Variants in ENPP6 observed in about 807,000 individuals in gnomAD.
The protein encoded by ENPP6 is glycerophosphocholine cholinephosphodiesterase ENPP6.
In ENPP6, 32 loss-of-function variants were observed where a neutral mutation model predicts 42.0. That is an observed-to-expected ratio of 0.76 (90% CI 0.58 to 1.02). ENPP6 has a LOEUF of 1.02. Among genes scored for constraint, ENPP6 ranks in the 50% least tolerant of loss-of-function variants. ENPP6 has a pLI of 0.00. For synonymous variants in ENPP6, 213 were observed against 216.0 expected, an observed-to-expected ratio of 0.99 and a Z score of 0.12; for missense variants, 552 against 566.8, an observed-to-expected ratio of 0.97 and a Z score of 0.27.
chr4:184,194,204 T>A (rs1732758639), intron 1 of ENPP6, among the ~76,000 whole-genome samples: 1 of 152,198 alleles, frequency 6.6e-6, no homozygotes, highest in South Asian at 2.1e-4. Flanking sequence ...ACCACCTGAA[T>A]GTCCCGCAAG....
chr4:184,182,844 C>A (rs779463387), intron 1 of ENPP6, among the ~76,000 whole-genome samples: 36 of 152,132 alleles, frequency 2.4e-4, no homozygotes, highest in Non-Finnish European at 4.7e-4. Flanking sequence ...ACAACACACA[C>A]TGGGGCCTGT....
intron 1 of ENPP6, chr4:184,203,984 T>C (rs1324689711): frequency 6.6e-6 from 1 of 152,270 alleles, no homozygotes; most frequent in East Asian, 1.9e-4. Context: ...CTTACAGTTC[T>C]GGAGGCTGGG....
rs1185962723 is a variant in ENPP6, at chr4:184,088,853, T to C, written c.*2324A>G. The C allele has an allele frequency of 6.6e-6, 1 of 152,224 alleles. No individual in the cohort carries two copies. The highest frequency in any genetic ancestry group is 1.5e-5 in the Non-Finnish European group (1 of 68,042). 9.4% of individuals were successfully genotyped at this position (152,224 alleles called of 1,614,324 possible). The stretch of plus-strand genomic sequence containing the variant: ...CACTTTGTCAGACAAATATCTAAAG[T>C]TTTATTATGTAACTTGCAGATTTTC... On this transcript the variant is annotated 3_prime_UTR_variant, in exon 8 of 8. Transcript: ENST00000296741.
At chr4:184,180,990 G>T (rs1302836858) in intron 1 of ENPP6, among the ~76,000 whole-genome samples, 3 of 152,160 alleles carry the variant, frequency 2.0e-5, no homozygotes, top group Non-Finnish European at 1.5e-5. Context: ...AGTCAACATA[G>T]TATTGGAAGT....
chr4:184,120,371 C>T (rs1460448116), intron 3 of ENPP6, among the ~76,000 whole-genome samples: 1 of 152,216 alleles, frequency 6.6e-6, no homozygotes, highest in Non-Finnish European at 1.5e-5. Flanking sequence ...TAGCCTGGAG[C>T]TTGACAAAGG....
intron 7 of ENPP6, among the ~76,000 whole-genome samples, chr4:184,092,134 G>A (rs916252873): frequency 6.6e-6 from 1 of 152,050 alleles, no homozygotes; most frequent in African/African-American, 2.4e-5. Context: ...CAGAGTGCCA[G>A]CGTCTACTGC....
intron 6 of ENPP6, among the ~76,000 whole-genome samples, chr4:184,107,775 C>T (rs1481354110): frequency 6.6e-6 from 1 of 151,922 alleles, no homozygotes; most frequent in South Asian, 2.1e-4. Flanking sequence ...ATTAGCCGGG[C>T]GTGGTGGCGG....
chr4:184,138,530 A>G (rs10024636), intron 2 of ENPP6, among the ~76,000 whole-genome samples: 105,821 of 152,162 alleles, frequency 0.7, 37,243 homozygotes, highest in African/African-American at 0.78. Context: ...TTTATATACC[A>G]TGTCAATGCA....
intron 7 of ENPP6, among the ~76,000 whole-genome samples, chr4:184,092,508 G>T (rs11735997): frequency 1.3e-4 from 20 of 152,130 alleles, no homozygotes; most frequent in African/African-American, 4.8e-4. Context: ...AGTGAGGGAC[G>T]CCGAGGGTGA....
intron 5 of ENPP6, among the ~76,000 whole-genome samples, chr4:184,116,139 C>G (rs1368708790): frequency 1.3e-5 from 2 of 152,106 alleles, no homozygotes; most frequent in Admixed American, 6.5e-5. Context: ...AGGAGAATGG[C>G]ATGAACCCGG....
chr4:184,095,647 A>G (rs1735886305), intron 7 of ENPP6, among the ~76,000 whole-genome samples: 1 of 138,082 alleles, frequency 7.2e-6, no homozygotes, highest in Non-Finnish European at 1.5e-5. Flanking sequence ...GTGACAAGAA[A>G]CTGTCTCAAA....
intron 1 of ENPP6, among the ~76,000 whole-genome samples, chr4:184,162,079 T>A (rs188836537): frequency 1.3e-5 from 2 of 151,972 alleles, no homozygotes; most frequent in South Asian, 2.1e-4. Flanking sequence ...CAGCAACAAC[T>A]GCCCCCCTCC....
At chr4:184,205,388 C>T (rs1053510387) in intron 1 of ENPP6, among the ~76,000 whole-genome samples, 7 of 152,332 alleles carry the variant, frequency 4.6e-5, no homozygotes, top group South Asian at 2.1e-4. Flanking sequence ...AAGAATGCAG[C>T]GATGCCCAGC....
At chr4:184,107,295 G>T (rs1249579509) in intron 6 of ENPP6, among the ~76,000 whole-genome samples, 1 of 152,244 alleles carries the variant, frequency 6.6e-6, no homozygotes, top group Non-Finnish European at 1.5e-5. Context: ...GGGGTGACGG[G>T]CTCAGGCTGG....
chr4:184,170,957 G>T (rs567806878), intron 1 of ENPP6, among the ~76,000 whole-genome samples: 166 of 152,264 alleles, frequency 1.1e-3, no homozygotes, highest in African/African-American at 3.8e-3. Flanking sequence ...AAACAGGCAG[G>T]TTCTTTTAGG....
chr4:184,133,463 T>C (rs1736678169), intron 2 of ENPP6, among the ~76,000 whole-genome samples: 2 of 152,208 alleles, frequency 1.3e-5, no homozygotes, highest in African/African-American at 4.8e-5. Flanking sequence ...TTTTAAATTT[T>C]GAATTTATAT....
intron 1 of ENPP6, among the ~76,000 whole-genome samples, chr4:184,179,446 T>C (rs1732513979): frequency 6.6e-6 from 1 of 152,100 alleles, no homozygotes; most frequent in South Asian, 2.1e-4. Flanking sequence ...AACACCCCAC[T>C]GTCAATATTG....
At chr4:184,117,645 G>T in intron 4 of ENPP6, 114 bp downstream of exon 4, 1 of 1,477,932 alleles carries the variant, frequency 6.8e-7, no homozygotes, top group Non-Finnish European at 9.2e-7. Context: ...AGCCTGTGCT[G>T]GCCCAATTGG....
At chr4:184,096,411 A>G (rs530461132) in intron 7 of ENPP6, among the ~76,000 whole-genome samples, 1 of 152,228 alleles carries the variant, frequency 6.6e-6, no homozygotes, top group Admixed American at 6.5e-5. Flanking sequence ...TATTTAGTGC[A>G]GGAGGACGGA....
Sources: allele counts gnomAD v4.1 joint callset (sites outside exome capture counted in the v4.1 genomes callset), GRCh38; gene constraint gnomAD v4.1.1; transcripts MANE v1.5; gene names NCBI Gene and HGNC (gene_info 2026-07-23, HGNC 2026-07-21).